Variants in RBMS3 observed in about 807,000 individuals in gnomAD.
RBMS3 encodes RNA binding motif single stranded interacting protein 3.
In RBMS3, 27 loss-of-function variants were observed where a neutral mutation model predicts 66.8. The ratio of observed to expected loss-of-function variants is 0.40; its 90% CI spans 0.30 to 0.56. The LOEUF (loss-of-function observed/expected upper bound fraction) is 0.56. Among genes scored for constraint, RBMS3 ranks in the 20% least tolerant of loss-of-function variants. The probability of loss-of-function intolerance (pLI) is 0.40; values close to 1 mark genes in which losing one functional copy is unlikely to be tolerated. For missense variants in RBMS3, 513 were observed against 549.5 expected (o/e 0.93, Z 0.66); for synonymous variants, 188 against 183.0 (o/e 1.03, Z -0.22).
At chr3:29,701,448 C>G (rs1171672016) in intron 4 of RBMS3, among the ~76,000 whole-genome samples, 1 of 152,148 alleles carries the variant, frequency 6.6e-6, no homozygotes, top group Non-Finnish European at 1.5e-5. Flanking sequence ...CCCTCGGTGC[C>G]TCCTCAGCCT....
chr3:29,444,461 C>G (rs1042740935), intron 2 of RBMS3, among the ~76,000 whole-genome samples: 14 of 151,944 alleles, frequency 9.2e-5, no homozygotes, highest in Non-Finnish European at 2.1e-4. Flanking sequence ...AACTTGAATT[C>G]TGAGGTTCTA....
At chr3:29,500,064 TTC>T (rs1286591429) in intron 3 of RBMS3, among the ~76,000 whole-genome samples, 230 of 114,892 alleles carry the variant, frequency 2.0e-3, no homozygotes, top group African/African-American at 8.4e-3. Context: ...GAGAAGGATT[TTC>T]TTTTTTTTTT....
intron 3 of RBMS3, among the ~76,000 whole-genome samples, chr3:29,578,324 T>C (rs565860655): frequency 2.0e-5 from 3 of 152,306 alleles, no homozygotes; most frequent in East Asian, 1.9e-4. Flanking sequence ...GTTTTTACCG[T>C]GTACATTTGT....
At chr3:29,862,155 C>G (rs2059230921) in intron 6 of RBMS3, among the ~76,000 whole-genome samples, 1 of 152,094 alleles carries the variant, frequency 6.6e-6, no homozygotes, top group African/African-American at 2.4e-5. Flanking sequence ...CCAGTCATAA[C>G]CAAAACAGTT....
At chr3:29,388,952 A>G (rs2039146645) in intron 1 of RBMS3, among the ~76,000 whole-genome samples, 1 of 152,244 alleles carries the variant, frequency 6.6e-6, no homozygotes, top group African/African-American at 2.4e-5. Flanking sequence ...ATGTAGACAC[A>G]TCATCAGGCA....
intron 8 of RBMS3, among the ~76,000 whole-genome samples, chr3:29,887,874 A>G (rs1465709144): frequency 6.6e-6 from 1 of 151,840 alleles, no homozygotes; most frequent in Non-Finnish European, 1.5e-5. Context: ...CCAAATACTC[A>G]CCCTTAATTG....
rs12629616 is a variant in RBMS3, at chr3:29,424,263, C to A, written c.76-10480C>A. Among the ~76,000 whole-genome samples the A allele has an allele frequency of 2.7e-3, 414 of 152,184 alleles. 4 individuals carry two copies. The highest frequency in any genetic ancestry group is 9.6e-3 in the African/African-American group (398 of 41,528). On this transcript the variant is annotated intron_variant, in intron 1 of 14. Coordinates refer to ENST00000383767, the MANE Select transcript of RBMS3 (RefSeq NM_001003793.3). ...AAAGTAATTACAGGGTGACCATACA[C>A]CCTGATTTGCTTCAGACAATCTCAA...
intron 1 of RBMS3, among the ~76,000 whole-genome samples, chr3:29,316,363 T>C (rs144530648): frequency 1.0e-3 from 156 of 151,892 alleles, no homozygotes; most frequent in South Asian, 8.3e-3. Context: ...AAATTCTTAC[T>C]CATAATTGAA....
chr3:29,772,261 C>A (rs529801054), intron 6 of RBMS3, among the ~76,000 whole-genome samples: 69 of 152,122 alleles, frequency 4.5e-4, no homozygotes, highest in Non-Finnish European at 7.4e-4. Flanking sequence ...CTGACCTATA[C>A]AACTGTGAGA....
chr3:29,408,220 C>T (rs1406389802), intron 1 of RBMS3, among the ~76,000 whole-genome samples: 4 of 143,860 alleles, frequency 2.8e-5, no homozygotes, highest in Admixed American at 7.2e-5. Context: ...TGCAGTGAGC[C>T]GAGATTGCGC....
At chr3:29,526,713 C>T (rs753547795) in intron 3 of RBMS3, among the ~76,000 whole-genome samples, 1 of 151,940 alleles carries the variant, frequency 6.6e-6, no homozygotes, top group African/African-American at 2.4e-5. Context: ...CTTATAATTT[C>T]TACACTTAGT....
At chr3:29,597,652 A>G (rs2149110621) in intron 4 of RBMS3, among the ~76,000 whole-genome samples, 1 of 152,276 alleles carries the variant, frequency 6.6e-6, no homozygotes, top group South Asian at 2.1e-4. Flanking sequence ...CATATCTAAG[A>G]AGTATTCCAA....
intron 6 of RBMS3, among the ~76,000 whole-genome samples, chr3:29,793,202 G>A (rs2057070349): frequency 6.6e-6 from 1 of 150,904 alleles, no homozygotes; most frequent in Non-Finnish European, 1.5e-5. Context: ...CTGCACTTCA[G>A]TCTGGGCAAT....
intron 1 of RBMS3, among the ~76,000 whole-genome samples, chr3:29,427,158 A>G (rs2040991466): frequency 6.6e-6 from 1 of 152,244 alleles, no homozygotes; most frequent in Non-Finnish European, 1.5e-5. Flanking sequence ...AGCTTTGGGT[A>G]GGAAAAGAGA....
intron 14 of RBMS3, among the ~76,000 whole-genome samples, chr3:29,994,433 T>A (rs1267716329): frequency 6.6e-6 from 1 of 152,234 alleles, no homozygotes; most frequent in East Asian, 1.9e-4. Flanking sequence ...CCACCACAGC[T>A]CAAGGAGGCC....
chr3:29,995,528 C>T (rs1423500669), intron 14 of RBMS3, among the ~76,000 whole-genome samples: 3 of 150,946 alleles, frequency 2.0e-5, no homozygotes, highest in African/African-American at 7.3e-5. Flanking sequence ...GGTCGGGTTA[C>T]CCTCAAAGGG....
chr3:29,460,935 C>T (rs2042349108), intron 2 of RBMS3, among the ~76,000 whole-genome samples: 1 of 152,108 alleles, frequency 6.6e-6, no homozygotes, highest in African/African-American at 2.4e-5. Flanking sequence ...CCTAAACTGC[C>T]CTTAATTCAT....
chr3:29,983,963 C>A (rs1156838910), intron 12 of RBMS3, among the ~76,000 whole-genome samples: 1 of 152,096 alleles, frequency 6.6e-6, no homozygotes, highest in African/African-American at 2.4e-5. Flanking sequence ...GCCTGTCTTG[C>A]TAGGTTGGGG....
In RBMS3 at chr3:29,585,571, T is replaced by C. The variant is rs563715547; in HGVS notation, c.308-1543T>C. Among the ~76,000 whole-genome samples the C allele has an allele frequency of 5.9e-5, 9 of 152,236 alleles. No homozygotes were observed. In the East Asian group the frequency reaches 1.7e-3, roughly 30 times the overall value. ...ACGAAGCCAGTAGTACCTGATGTTA[T>C]TATGACTTCACCAAGTGCCAATGTG... is the stretch of plus-strand genomic sequence containing the variant. On this transcript the variant is annotated intron_variant, in intron 3 of 14. Coordinates refer to ENST00000383767, the MANE Select transcript of RBMS3 (RefSeq NM_001003793.3).
Sources: allele counts gnomAD v4.1 joint callset (sites outside exome capture counted in the v4.1 genomes callset), GRCh38; gene constraint gnomAD v4.1.1; transcripts MANE v1.5; gene names NCBI Gene and HGNC (gene_info 2026-07-23, HGNC 2026-07-21).